Variants in SIK3 observed in about 807,000 individuals in gnomAD.
The protein encoded by SIK3 is SIK family kinase 3.
A neutral mutation model predicts 144.2 loss-of-function variants in SIK3; 28 were observed. That is an observed-to-expected ratio of 0.19 (90% CI 0.14 to 0.27). The LOEUF is 0.27. Ranked by LOEUF, SIK3 falls within the 10% of genes least tolerant of loss-of-function variation. The probability of loss-of-function intolerance (pLI) is 1.00; values close to 1 mark genes in which losing one functional copy is unlikely to be tolerated. For missense variants in SIK3, 1,319 were observed against 1,776.0 expected, an observed-to-expected ratio of 0.74 and a Z score of 4.62; for synonymous variants, 686 against 676.3, an observed-to-expected ratio of 1.01 and a Z score of -0.22.
At chr11:116,900,333 T>C (rs1410747537) in intron 4 of SIK3, among the ~76,000 whole-genome samples, 2 of 152,134 alleles carry the variant, frequency 1.3e-5, no homozygotes, top group East Asian at 3.8e-4. Flanking sequence ...ACCTCCTCTT[T>C]TCTATTTCCA....
intron 3 of SIK3, among the ~76,000 whole-genome samples, chr11:116,947,569 A>ATGTATGTATTTTT (rs374241141): frequency 9.1e-6 from 1 of 109,440 alleles, no homozygotes. Flanking sequence ...GTATGTATGT[A>ATGTATGTATTTTT]TTTTTTTTTT....
chr11:116,958,458 C>T (rs1001399731), intron 1 of SIK3, among the ~76,000 whole-genome samples: 2 of 152,102 alleles, frequency 1.3e-5, no homozygotes, highest in Non-Finnish European at 2.9e-5. Context: ...GTGGCTGGAG[C>T]TACAAGGATT....
intron 1 of SIK3, among the ~76,000 whole-genome samples, chr11:117,037,105 G>GCCT (rs1952538711): frequency 6.6e-6 from 1 of 152,008 alleles, no homozygotes; most frequent in South Asian, 2.1e-4. Flanking sequence ...ACTACTCAAG[G>GCCT]TAAGTATTAC....
rs940954532 is a variant in SIK3, at chr11:117,092,822, G to A, written c.273+5321C>T. Among the ~76,000 whole-genome samples, 8 of 152,106 alleles carry A rather than the reference G, an allele frequency of 5.3e-5. No individual in the cohort carries two copies. The South Asian group carries it at 8.3e-4, about 16-fold the overall frequency. On this transcript the variant is annotated intron_variant, in intron 1 of 24. Coordinates refer to ENST00000445177, the MANE Select transcript of SIK3 (RefSeq NM_001366686.3). ...TTACGCGATGAACTAGAAAACATTAGCCAGACTGAAGCCTGAAAAATGAAA... is the reference window on the plus strand; with the variant it reads ...TTACGCGATGAACTAGAAAACATTAACCAGACTGAAGCCTGAAAAATGAAA...
At chr11:116,935,606 T>G (rs1430870862) in intron 3 of SIK3, among the ~76,000 whole-genome samples, 2 of 152,238 alleles carry the variant, frequency 1.3e-5, no homozygotes, top group Non-Finnish European at 2.9e-5. Context: ...AAAATGTTAT[T>G]CAAGTTTTCT....
At chr11:117,023,593 CAAACAAACAAACA>C (rs1565567404) in intron 1 of SIK3, among the ~76,000 whole-genome samples, 5 of 50,138 alleles carry the variant, frequency 1.0e-4, no homozygotes, top group South Asian at 9.7e-4. Flanking sequence ...AACAAACAAA[CAAACAAACAAACA>C]AACAAAAAAA....
At chr11:117,076,090 C>G (rs950711503) in intron 1 of SIK3, among the ~76,000 whole-genome samples, 2 of 151,270 alleles carry the variant, frequency 1.3e-5, no homozygotes, top group Admixed American at 6.6e-5. Context: ...CTTAGGTGAT[C>G]CACCCACCAC....
chr11:116,896,869 T>C (rs1459359475), intron 5 of SIK3, among the ~76,000 whole-genome samples: 1 of 151,908 alleles, frequency 6.6e-6, no homozygotes. Context: ...CTATTAAAAA[T>C]ACAAAAAATT....
chr11:117,013,967 C>CCT (rs756680301), intron 1 of SIK3, among the ~76,000 whole-genome samples: 591 of 7,346 alleles, frequency 0.08, 92 homozygotes, highest in South Asian at 0.1. Context: ...TTCTTTTTTT[C>CCT]TTTTCTTTTT....
intron 6 of SIK3, among the ~76,000 whole-genome samples, chr11:116,889,878 C>T (rs929105471): frequency 1.3e-5 from 2 of 152,102 alleles, no homozygotes; most frequent in African/African-American, 4.8e-5. Flanking sequence ...GCCTGGGCGA[C>T]AGAGATCCTG....
At chr11:116,918,410 C>A (rs1476637946) in intron 4 of SIK3, among the ~76,000 whole-genome samples, 3 of 152,010 alleles carry the variant, frequency 2.0e-5, no homozygotes, top group Non-Finnish European at 1.5e-5. Context: ...CACAAGACCT[C>A]AAAGCAAAAG....
chr11:116,996,150 A>C (rs1950658279), intron 1 of SIK3, among the ~76,000 whole-genome samples: 1 of 152,128 alleles, frequency 6.6e-6, no homozygotes, highest in African/African-American at 2.4e-5. Context: ...TCTACTAAAA[A>C]TACAAAAATT....
chr11:116,858,343 G>T lies in SIK3; in HGVS notation c.3122C>A (p.Ala1041Glu), dbSNP rs1482845932. The T allele has an allele frequency of 1.2e-6, 2 of 1,613,586 alleles. No individual in the cohort carries two copies. Among genetic ancestry groups the T allele is most frequent in the Admixed American group, 1.7e-5 (1 of 59,954 alleles). ...TTGCTGCTGCCTTTTAATGAGCTGT[G>T]CAAACTCTGTTGGGGGCAGCCGGAT... is the stretch of plus-strand genomic sequence containing the variant. ...SDIRLPPTEF[A>E]QLIKRQQQQR... is the part of the protein sequence containing the mutation. Residue 1041 changes from alanine to glutamate, a missense_variant, in exon 21 of 25, where the codon GCA becomes GAA. Physicochemically the swap from Ala to Glu is moderately radical, Grantham distance 107 (BLOSUM62 -1). This residue lies in a region of SIK3 where 646 missense variants were observed against 763.7 expected (regional missense o/e 0.85). Transcript: ENST00000445177. This position sits in a 1 kb window ranked among gnomAD's most constrained non-coding sequence, Gnocchi z 5.4.
At chr11:116,933,277 A>T (rs946129356) in intron 3 of SIK3, among the ~76,000 whole-genome samples, 1 of 151,860 alleles carries the variant, frequency 6.6e-6, no homozygotes, top group African/African-American at 2.4e-5. Flanking sequence ...AGTAGCTGGG[A>T]CTACAGGCGT....
intron 1 of SIK3, among the ~76,000 whole-genome samples, chr11:117,057,622 G>A (rs922334787): frequency 1.3e-5 from 2 of 152,138 alleles, no homozygotes; most frequent in African/African-American, 2.4e-5. Context: ...AACAAAGGTA[G>A]GCATTAACAA....
intron 1 of SIK3, among the ~76,000 whole-genome samples, chr11:117,060,403 C>T (rs1446719914): frequency 6.6e-6 from 1 of 151,904 alleles, no homozygotes; most frequent in South Asian, 2.1e-4. Context: ...TCGAGACCAA[C>T]CTGGCCAACA....
intron 1 of SIK3, among the ~76,000 whole-genome samples, chr11:117,027,454 T>G (rs1427159153): frequency 1.3e-5 from 2 of 151,032 alleles, no homozygotes; most frequent in Non-Finnish European, 2.9e-5. Context: ...TTATATCTGT[T>G]TGTTTGTTTG....
Position 116,929,027 on chromosome 11 carries a change from C to T in SIK3, c.455-1647G>A, listed in dbSNP as rs554914365. On this transcript the variant is annotated intron_variant, in intron 3 of 24. Coordinates refer to ENST00000445177, the MANE Select transcript of SIK3 (RefSeq NM_001366686.3). Reference sequence around the variant, plus strand: ...AGGTGGGGATAAGTAAGCTCCCACTCGGGTGTGTTTAGGCTTCCGGTGAGG... The same window carrying T: ...AGGTGGGGATAAGTAAGCTCCCACTTGGGTGTGTTTAGGCTTCCGGTGAGG... Among the ~76,000 whole-genome samples, 8 of 152,266 alleles carry T rather than the reference C, an allele frequency of 5.3e-5. No homozygotes were observed. The South Asian group carries it at 8.3e-4, about 16-fold the overall frequency.
chr11:117,027,749 G>A (rs1565572600), intron 1 of SIK3, among the ~76,000 whole-genome samples: 1 of 151,836 alleles, frequency 6.6e-6, no homozygotes, highest in African/African-American at 2.4e-5. Flanking sequence ...TTACAGACGT[G>A]AGCCACTGTG....
Sources: gnomAD v4.1 joint callset for allele counts (sites outside exome capture counted in the v4.1 genomes callset) on GRCh38, gnomAD v4.1.1 for gene constraint, gnomAD v4.1.1 regional missense constraint, Gnocchi (gnomAD v3.1) non-coding constraint, MANE v1.5 for transcripts, NCBI Gene and HGNC (gene_info 2026-07-23, HGNC 2026-07-21) for gene names.